The following CNTN4 variants were observed in gnomAD, a reference collection of about 807,000 sequenced individuals.
CNTN4 encodes contactin 4, also known as contactin-4.
CNTN4 carries 77 observed loss-of-function variants against 122.5 expected under a neutral mutation model. The observed-to-expected ratio is 0.63, with a 90% CI of 0.52 to 0.76. The LOEUF (loss-of-function observed/expected upper bound fraction) is 0.76, where lower values mean the gene tolerates loss of function less well. Among genes scored for constraint, CNTN4 ranks in the 30% least tolerant of loss-of-function variants. The pLI, the probability that CNTN4 is intolerant of heterozygous loss-of-function variation, is 0.00. For synonymous variants in CNTN4, 512 were observed against 447.0 expected (o/e 1.15, Z -1.83); for missense variants, 1,256 against 1,259.1 (o/e 1.00, Z 0.04).
intron 3 of CNTN4, among the ~76,000 whole-genome samples, chr3:2,375,635 A>G (rs912999364): frequency 3.3e-5 from 5 of 152,170 alleles, no homozygotes; most frequent in Non-Finnish European, 4.4e-5. Flanking sequence ...AAAGCAACTC[A>G]TCTTCCCAGG....
chr3:2,965,909 C>A (rs1279806308), intron 13 of CNTN4, among the ~76,000 whole-genome samples: 2 of 152,162 alleles, frequency 1.3e-5, no homozygotes, highest in Non-Finnish European at 1.5e-5. Flanking sequence ...TTCATCCCCA[C>A]CCAGGACCTC....
intron 2 of CNTN4, among the ~76,000 whole-genome samples, chr3:2,289,286 A>T (rs1262386224): frequency 6.6e-6 from 1 of 152,190 alleles, no homozygotes; most frequent in East Asian, 1.9e-4. Flanking sequence ...ACTAAATGTC[A>T]TTTGGGACTT....
At chr3:2,462,089 A>G (rs533783628) in intron 3 of CNTN4, among the ~76,000 whole-genome samples, 11 of 152,210 alleles carry the variant, frequency 7.2e-5, no homozygotes, top group Non-Finnish European at 1.0e-4. Context: ...CAAGTACACA[A>G]GATAGACCCT....
intron 2 of CNTN4, among the ~76,000 whole-genome samples, chr3:2,184,130 C>T (rs1451203222): frequency 6.6e-6 from 1 of 152,048 alleles, no homozygotes; most frequent in Non-Finnish European, 1.5e-5. Context: ...CACCATCACA[C>T]GTGGCTAATT....
At chr3:2,372,461 A>G (rs1003256784) in intron 3 of CNTN4, among the ~76,000 whole-genome samples, 1 of 152,214 alleles carries the variant, frequency 6.6e-6, no homozygotes, top group African/African-American at 2.4e-5. Flanking sequence ...CTGACTGTCT[A>G]TGTCCATATG....
At chr3:2,411,074 T>C (rs1270280915) in intron 3 of CNTN4, among the ~76,000 whole-genome samples, 1 of 152,236 alleles carries the variant, frequency 6.6e-6, no homozygotes. Context: ...GGTTATTATG[T>C]AGTTTACTTA....
chr3:2,258,253 A>G (rs187146368), intron 2 of CNTN4, among the ~76,000 whole-genome samples: 1 of 152,204 alleles, frequency 6.6e-6, no homozygotes, highest in South Asian at 2.1e-4. Flanking sequence ...CTATATACCC[A>G]AAGCATTATA....
At chr3:2,635,773 C>A (rs989788128) in intron 4 of CNTN4, among the ~76,000 whole-genome samples, 2 of 152,094 alleles carry the variant, frequency 1.3e-5, no homozygotes, top group African/African-American at 4.8e-5. Context: ...AGAAACTGAC[C>A]CTCCCAGTCT....
intron 2 of CNTN4, among the ~76,000 whole-genome samples, chr3:2,242,389 G>A (rs904688983): frequency 3.9e-5 from 6 of 152,028 alleles, no homozygotes; most frequent in Admixed American, 2.0e-4. Context: ...AAGATAGAAA[G>A]GATTCATTAG....
At chr3:2,704,241 G>A (rs950113858) in intron 4 of CNTN4, among the ~76,000 whole-genome samples, 8 of 149,868 alleles carry the variant, frequency 5.3e-5, no homozygotes, top group African/African-American at 2.0e-4. Context: ...AGGTTGCAGG[G>A]AGCCTAGATT....
At chr3:2,549,135 G>C (rs2078374190) in intron 3 of CNTN4, among the ~76,000 whole-genome samples, 1 of 150,378 alleles carries the variant, frequency 6.6e-6, no homozygotes, top group South Asian at 2.1e-4. Context: ...ATACAATCAT[G>C]TCATCTGCAA....
intron 2 of CNTN4, among the ~76,000 whole-genome samples, chr3:2,235,120 T>C (rs1439633678): frequency 1.3e-5 from 2 of 152,200 alleles, no homozygotes; most frequent in Admixed American, 1.3e-4. Flanking sequence ...CGTAAGTTTA[T>C]ACATTTCAGA....
intron 3 of CNTN4, among the ~76,000 whole-genome samples, chr3:2,502,281 G>C (rs898217135): frequency 6.6e-6 from 1 of 152,146 alleles, no homozygotes; most frequent in Non-Finnish European, 1.5e-5. Context: ...TAAGGGTGGA[G>C]TTTTACTATC....
At chr3:2,953,585 G>A (rs1032336515) in intron 13 of CNTN4, among the ~76,000 whole-genome samples, 1 of 151,884 alleles carries the variant, frequency 6.6e-6, no homozygotes, top group South Asian at 2.1e-4. Context: ...CTAGTCTATA[G>A]CCTTCCAACT....
intron 4 of CNTN4, among the ~76,000 whole-genome samples, chr3:2,580,436 A>C (rs17016928): frequency 0.035 from 5,272 of 152,250 alleles, 163 homozygotes; most frequent in African/African-American, 0.087. Flanking sequence ...TAACTTTGTA[A>C]ATGCATTTTG....
chr3:3,004,057 G>T (rs1438371808), intron 14 of CNTN4, among the ~76,000 whole-genome samples: 1 of 151,998 alleles, frequency 6.6e-6, no homozygotes, highest in Non-Finnish European at 1.5e-5. Context: ...ACCATGCCCG[G>T]CCTGAAGCGT....
chr3:2,400,404 A>AATATATATATATATATATATATACAT (rs1169732204), intron 3 of CNTN4, among the ~76,000 whole-genome samples: 3 of 91,438 alleles, frequency 3.3e-5, no homozygotes, highest in Non-Finnish European at 4.8e-5. Flanking sequence ...TATGTGTGTG[A>AATATATATATATATATATATATACAT]ATATATATAT....
intron 4 of CNTN4, among the ~76,000 whole-genome samples, chr3:2,614,277 A>G (rs2081618492): frequency 1.3e-5 from 2 of 152,334 alleles, no homozygotes; most frequent in Middle Eastern, 3.4e-3. Context: ...AAATGTAGCC[A>G]GCAAGTGGGA....
At chr3:2,554,441 A>T (rs1433045659) in intron 3 of CNTN4, among the ~76,000 whole-genome samples, 4 of 151,968 alleles carry the variant, frequency 2.6e-5, no homozygotes, top group African/African-American at 7.2e-5. Flanking sequence ...GGGTCATTTC[A>T]TCCTGCATTT....
Sources: gnomAD v4.1 joint callset for allele counts (sites outside exome capture counted in the v4.1 genomes callset) on GRCh38, gnomAD v4.1.1 for gene constraint, MANE v1.5 for transcripts, NCBI Gene and HGNC (gene_info 2026-07-23, HGNC 2026-07-21) for gene names.